ME3: variants seen among roughly 807,000 people sequenced by gnomAD.
ME3 encodes malic enzyme 3.
In ME3, 48 loss-of-function variants were observed where a neutral mutation model predicts 68.9. The observed-to-expected ratio is 0.70, with a 90% CI of 0.55 to 0.89. The LOEUF (loss-of-function observed/expected upper bound fraction) is 0.89. ME3 is among the 40% of genes least tolerant of loss of function. The pLI is 0.00. For missense variants in ME3, 675 were observed against 797.4 expected, an observed-to-expected ratio of 0.85 and a Z score of 1.85; for synonymous variants, 320 against 318.8, an observed-to-expected ratio of 1.00 and a Z score of -0.04.
intron 4 of ME3, among the ~76,000 whole-genome samples, chr11:86,511,008 A>G (rs1953480649): frequency 6.6e-6 from 1 of 152,160 alleles, no homozygotes; most frequent in South Asian, 2.1e-4. Context: ...ATCATCCTTG[A>G]TGGTCTCCTC....
intron 2 of ME3, among the ~76,000 whole-genome samples, chr11:86,577,749 G>A (rs1958198542): frequency 6.6e-6 from 1 of 152,178 alleles, no homozygotes; most frequent in Non-Finnish European, 1.5e-5. Flanking sequence ...CTTTGCCAAT[G>A]ATAAATAATA....
chr11:86,623,108 A>G (rs1423481951), intron 2 of ME3, among the ~76,000 whole-genome samples: 1 of 152,214 alleles, frequency 6.6e-6, no homozygotes, highest in Non-Finnish European at 1.5e-5. Context: ...ATGAGGGTGT[A>G]TCTGGAAGAG....
chr11:86,649,698 C>T (rs496167), intron 2 of ME3, among the ~76,000 whole-genome samples: 106,427 of 152,022 alleles, frequency 0.7, 38,423 homozygotes, highest in Non-Finnish European at 0.8. Context: ...AATGAGTGAA[C>T]TCCCATTCAC....
At chr11:86,468,788 A>G (rs1178177741) in intron 7 of ME3, among the ~76,000 whole-genome samples, 1 of 152,182 alleles carries the variant, frequency 6.6e-6, no homozygotes, top group Non-Finnish European at 1.5e-5. Context: ...GCTAACAACA[A>G]TGGTAAAAAA....
At chr11:86,639,918 C>T (rs1944562314) in intron 2 of ME3, among the ~76,000 whole-genome samples, 2 of 152,182 alleles carry the variant, frequency 1.3e-5, no homozygotes, top group Admixed American at 1.3e-4. Context: ...ATGTATGAGA[C>T]AATTGAGTGA....
At chr11:86,626,457 A>T (rs535707027) in intron 2 of ME3, among the ~76,000 whole-genome samples, 7 of 152,282 alleles carry the variant, frequency 4.6e-5, no homozygotes, top group Admixed American at 2.0e-4. Context: ...TCTCATAGAC[A>T]CCTTCACCAG....
At chr11:86,606,450 C>G (rs938911794) in intron 2 of ME3, among the ~76,000 whole-genome samples, 1 of 152,216 alleles carries the variant, frequency 6.6e-6, no homozygotes, top group East Asian at 1.9e-4. Flanking sequence ...ACTCAGAACA[C>G]TGGCCCTGAC....
intron 2 of ME3, among the ~76,000 whole-genome samples, chr11:86,603,261 A>C (rs1366672277): frequency 7.8e-6 from 1 of 128,058 alleles, no homozygotes; most frequent in African/African-American, 2.8e-5. Flanking sequence ...AGAAAAAAAC[A>C]AACAACCCCA....
chr11:86,563,252 C>T (rs993084502), intron 2 of ME3, among the ~76,000 whole-genome samples: 6 of 152,234 alleles, frequency 3.9e-5, no homozygotes, highest in Admixed American at 6.5e-5. Flanking sequence ...GGCTGCTTTC[C>T]GTAGTGGCTG....
intron 2 of ME3, among the ~76,000 whole-genome samples, chr11:86,641,074 C>T (rs1944644205): frequency 6.6e-6 from 1 of 151,266 alleles, no homozygotes; most frequent in South Asian, 2.1e-4. Flanking sequence ...GTGAGTAGAT[C>T]TCAAAAAAAT....
At chr11:86,671,310 G>A (rs1337521964) in intron 2 of ME3, among the ~76,000 whole-genome samples, 3 of 151,980 alleles carry the variant, frequency 2.0e-5, no homozygotes, top group South Asian at 2.1e-4. Context: ...TCTCCCACTG[G>A]GTACCAGGCA....
At chr11:86,649,440 C>T (rs1945251197) in intron 2 of ME3, among the ~76,000 whole-genome samples, 1 of 152,192 alleles carries the variant, frequency 6.6e-6, no homozygotes, top group African/African-American at 2.4e-5. Context: ...TCCTATTCAA[C>T]ATAATATTGA....
At chr11:86,641,430 G>T (rs1438742660) in intron 2 of ME3, among the ~76,000 whole-genome samples, 1 of 152,186 alleles carries the variant, frequency 6.6e-6, no homozygotes, top group East Asian at 1.9e-4. Flanking sequence ...GGACCCAAGA[G>T]TCCCTCAGAT....
At chr11:86,635,560 G>C (rs796538434) in intron 2 of ME3, among the ~76,000 whole-genome samples, 1 of 152,134 alleles carries the variant, frequency 6.6e-6, no homozygotes, top group Non-Finnish European at 1.5e-5. Flanking sequence ...GATGATGAGA[G>C]CCCTCAAGAA....
intron 4 of ME3, among the ~76,000 whole-genome samples, chr11:86,512,884 T>C (rs1333188768): frequency 6.6e-6 from 1 of 152,148 alleles, no homozygotes; most frequent in African/African-American, 2.4e-5. Context: ...CTAAAGACCA[T>C]CTAGAATAAC....
At chr11:86,477,047 A>AT (rs1287169715) in intron 7 of ME3, among the ~76,000 whole-genome samples, 7 of 152,086 alleles carry the variant, frequency 4.6e-5, no homozygotes, top group East Asian at 1.9e-4. Context: ...AGCAAACATG[A>AT]TTTTTTTACT....
chr11:86,628,373 C>T (rs1387567699), intron 2 of ME3, among the ~76,000 whole-genome samples: 1 of 152,186 alleles, frequency 6.6e-6, no homozygotes, highest in Non-Finnish European at 1.5e-5. Context: ...CCAGCTTCCC[C>T]TTCTAAGATG....
chr11:86,534,081 G>GTATA (rs57566563), intron 4 of ME3, among the ~76,000 whole-genome samples: 270 of 127,502 alleles, frequency 2.1e-3, no homozygotes, highest in South Asian at 0.019. Context: ...GTGTGTGTGT[G>GTATA]TATATATATA....
intron 4 of ME3, among the ~76,000 whole-genome samples, chr11:86,552,996 T>C (rs1049712131): frequency 5.3e-5 from 8 of 152,132 alleles, no homozygotes; most frequent in African/African-American, 1.9e-4. Flanking sequence ...TGGGTTGAGT[T>C]CTGTCTCGGC....
Sources: gnomAD v4.1 joint callset for allele counts (sites outside exome capture counted in the v4.1 genomes callset) on GRCh38, gnomAD v4.1.1 for gene constraint, MANE v1.5 for transcripts, NCBI Gene and HGNC (gene_info 2026-07-23, HGNC 2026-07-21) for gene names.